The following KIAA0930 variants were observed in gnomAD, a reference collection of about 807,000 sequenced individuals.
KIAA0930 encodes the protein KIAA0930.
A neutral mutation model predicts 43.9 loss-of-function variants in KIAA0930; 24 were observed. The observed-to-expected ratio is 0.55, with a 90% CI of 0.40 to 0.77. The LOEUF (loss-of-function observed/expected upper bound fraction) is 0.77. KIAA0930 is among the 30% of genes least tolerant of loss of function. The pLI, the probability that KIAA0930 is intolerant of heterozygous loss-of-function variation, is 0.00. For synonymous variants in KIAA0930, 259 were observed against 216.4 expected (o/e 1.20, Z -1.73); for missense variants, 461 against 574.2 (o/e 0.80, Z 2.02).
intron 2 of KIAA0930, among the ~76,000 whole-genome samples, chr22:45,208,896 G>A (rs1156283391): frequency 6.6e-6 from 1 of 152,230 alleles, no homozygotes; most frequent in Admixed American, 6.5e-5. Flanking sequence ...GAGGTGTCAC[G>A]TGACCGTGAG....
At chr22:45,199,372 G>C (rs1601807357) in intron 8 of KIAA0930, among the ~76,000 whole-genome samples, 1 of 152,148 alleles carries the variant, frequency 6.6e-6, no homozygotes, top group South Asian at 2.1e-4. Context: ...AAGGCCCCGG[G>C]GGTAGGCTGC....
At position 45,229,320 on chromosome 22, in the gene KIAA0930, T is replaced by TCC. The variant is rs1450730685; in HGVS notation, c.64+11318_64+11319dup. 4.4e-3 allele frequency among the ~76,000 whole-genome samples: 2 copies of TCC among 452 alleles called. 1 individual carries two copies. The highest frequency in any genetic ancestry group is 9.9e-3 in the Non-Finnish European group (2 of 202). 0.3% of individuals were successfully genotyped at this position (452 alleles called of 152,430 possible). On this transcript the variant is annotated intron_variant, in intron 1 of 9. Coordinates refer to ENST00000336156, the MANE Select transcript of KIAA0930 (RefSeq NM_001009880.2). ...CTCACCTGAAAGATCCCTCTCCACA[T>TCC]CCCCACCACCACTCACCGGAAAGAT...
intron 2 of KIAA0930, chr22:45,211,525 T>C: frequency 4.5e-6 from 2 of 442,940 alleles, no homozygotes; most frequent in Non-Finnish European, 7.9e-6. Flanking sequence ...GTCTAGATGA[T>C]GGCGAGGGCT....
intron 1 of KIAA0930, among the ~76,000 whole-genome samples, chr22:45,238,592 G>A (rs1348091313): frequency 6.6e-6 from 1 of 152,230 alleles, no homozygotes; most frequent in Admixed American, 6.5e-5. Context: ...AGAGATGCTT[G>A]TGGGGCACAT....
intron 1 of KIAA0930, 78 bp downstream of exon 1, chr22:45,240,562 C>A (rs1018525546): frequency 1.9e-6 from 2 of 1,045,290 alleles, no homozygotes; most frequent in Admixed American, 2.1e-5. Flanking sequence ...GCGGGGCGCA[C>A]AGAAACACGG....
chr22:45,215,402 AT>A (rs1185531926), intron 1 of KIAA0930, among the ~76,000 whole-genome samples: 9 of 152,220 alleles, frequency 5.9e-5, no homozygotes, highest in Non-Finnish European at 1.3e-4. Flanking sequence ...GCTAAAGAGC[AT>A]TTTCTCACTC....
intron 9 of KIAA0930, among the ~76,000 whole-genome samples, chr22:45,197,494 C>T (rs1024681402): frequency 2.0e-5 from 3 of 152,198 alleles, no homozygotes; most frequent in African/African-American, 4.8e-5. Flanking sequence ...CCTGGGTCAG[C>T]GAGGTGGCCT....
intron 1 of KIAA0930, among the ~76,000 whole-genome samples, chr22:45,240,157 GGCTTC>G (rs2083908018): frequency 6.6e-6 from 1 of 152,106 alleles, no homozygotes; most frequent in Non-Finnish European, 1.5e-5. Flanking sequence ...GAAAGACAAA[GGCTTC>G]GGGTAGCAGG....
intron 1 of KIAA0930, among the ~76,000 whole-genome samples, chr22:45,213,715 A>G (rs1327687707): frequency 6.6e-6 from 1 of 152,240 alleles, no homozygotes; most frequent in Non-Finnish European, 1.5e-5. Context: ...TTGGTCTTTA[A>G]AAACCAGCCC....
chr22:45,221,679 C>A (rs1385288516), intron 1 of KIAA0930, among the ~76,000 whole-genome samples: 1 of 152,168 alleles, frequency 6.6e-6, no homozygotes, highest in African/African-American at 2.4e-5. Flanking sequence ...ATCAATGGAA[C>A]AGAATAGAAA....
At chr22:45,213,644 C>T (rs2083713401) in intron 1 of KIAA0930, 2 of 363,204 alleles carry the variant, frequency 5.5e-6, no homozygotes, top group South Asian at 6.9e-5. Context: ...TTTTTTACTT[C>T]CTCTTTACAT....
rs371566329 is a variant in KIAA0930, at chr22:45,197,222, G to A, written c.1175-6C>T. Reference sequence around the variant, plus strand: ...CTGCCGAACTTCCAGGATGTCTAGGGCCGGCAGGAGGGAAGCAGGTGAAAC... The same window carrying A: ...CTGCCGAACTTCCAGGATGTCTAGGACCGGCAGGAGGGAAGCAGGTGAAAC... On this transcript the variant is annotated splice_polypyrimidine_tract_variant and splice_region_variant and intron_variant, in intron 9 of 9. Transcript: ENST00000336156. 721 of 1,550,166 alleles carry A rather than the reference G, an allele frequency of 4.7e-4. 4 individuals carry two copies. In the African/African-American group the frequency reaches 9.3e-3, roughly 20 times the overall value.
At chr22:45,218,839 G>A (rs748401168) in intron 1 of KIAA0930, among the ~76,000 whole-genome samples, 1 of 152,100 alleles carries the variant, frequency 6.6e-6, no homozygotes, top group African/African-American at 2.4e-5. Flanking sequence ...CAACTTCTGA[G>A]TCCCCAGCGG....
chr22:45,237,361 C>T lies in KIAA0930; in HGVS notation c.64+3279G>A, dbSNP rs191586374. On this transcript the variant is annotated intron_variant, in intron 1 of 9. Transcript: ENST00000336156. ...GGCAGGGATCAGGGCCCAACACTCC[C>T]GCCCCCTCTCAGTACAGAGCAAGTG... 3.0e-3 allele frequency among the ~76,000 whole-genome samples: 462 copies of T among 152,264 alleles called. 1 individual carries two copies. Among genetic ancestry groups the T allele is most frequent in the Non-Finnish European group, 2.3e-3 (157 of 67,990 alleles).
Position 45,219,591 on chromosome 22 carries a change from T to TG in KIAA0930, c.65-7485_65-7484insC, listed in dbSNP as rs1569080286. ...AGGCCAAGAGGTGATTGTTTTTTTT[T>TG]TTTTTTTTTTTTTTTTTTTTAAGAT... On this transcript the variant is annotated intron_variant, in intron 1 of 9. Coordinates refer to ENST00000336156, the MANE Select transcript of KIAA0930 (RefSeq NM_001009880.2). Among the ~76,000 whole-genome samples the TG allele has an allele frequency of 1.4e-4, 19 of 136,046 alleles. No homozygotes were observed. In the South Asian group the frequency reaches 3.1e-3, roughly 22 times the overall value. The allele number at this position is 136,046 out of a possible 152,430, so 89.3% of individuals were successfully genotyped here.
chr22:45,231,370 A>G (rs1454513492), intron 1 of KIAA0930, among the ~76,000 whole-genome samples: 1 of 152,204 alleles, frequency 6.6e-6, no homozygotes, highest in African/African-American at 2.4e-5. Flanking sequence ...AACCTCAGCC[A>G]TGAACCTAAG....
At chr22:45,201,697 G>T (rs1446313894) in intron 7 of KIAA0930, among the ~76,000 whole-genome samples, 1 of 152,114 alleles carries the variant, frequency 6.6e-6, no homozygotes, top group African/African-American at 2.4e-5. Flanking sequence ...GCAAAAAATA[G>T]CACTTGCTGT....
chr22:45,232,772 G>A (rs368470804), intron 1 of KIAA0930, among the ~76,000 whole-genome samples: 1 of 152,184 alleles, frequency 6.6e-6, no homozygotes, highest in Non-Finnish European at 1.5e-5. Flanking sequence ...GAGTGGGCTG[G>A]GTGGGGACCG....
At chr22:45,210,827 G>GCCTGCCCGAGTGTGGCTCTAGTCC (rs1555898934) in intron 2 of KIAA0930, among the ~76,000 whole-genome samples, 1 of 54,318 alleles carries the variant, frequency 1.8e-5, no homozygotes, top group African/African-American at 8.4e-5. Context: ...CTGCACACCC[G>GCCTGCCCGAGTGTGGCTCTAGTCC]CCACTGAAAC....
Sources: gnomAD v4.1 joint callset for allele counts (sites outside exome capture counted in the v4.1 genomes callset) on GRCh38, gnomAD v4.1.1 for gene constraint, MANE v1.5 for transcripts, NCBI Gene and HGNC (gene_info 2026-07-23, HGNC 2026-07-21) for gene names.